The following SORBS2 variants were observed in gnomAD, a reference collection of about 807,000 sequenced individuals.
SORBS2 encodes sorbin and SH3 domain-containing protein 2.
In SORBS2, 46 loss-of-function variants were observed where a neutral mutation model predicts 97.7. That is an observed-to-expected ratio of 0.47 (90% CI 0.37 to 0.60). The LOEUF (loss-of-function observed/expected upper bound fraction) is 0.60, where lower values mean the gene tolerates loss of function less well. SORBS2 is among the 20% of genes least tolerant of loss of function. The pLI is 0.00. For missense variants in SORBS2, 1,316 were observed against 1,282.3 expected (o/e 1.03, Z -0.40); for synonymous variants, 476 against 473.4 (o/e 1.01, Z -0.07).
At chr4:185,654,012 A>C (rs753854851) in intron 1 of SORBS2, among the ~76,000 whole-genome samples, 3 of 152,106 alleles carry the variant, frequency 2.0e-5, no homozygotes, top group Non-Finnish European at 4.4e-5. Context: ...TGGTCACTGC[A>C]TTTTTCCTCT....
At chr4:185,612,599 T>C (rs1342597105) in intron 11 of SORBS2, among the ~76,000 whole-genome samples, 1 of 151,574 alleles carries the variant, frequency 6.6e-6, no homozygotes, top group Non-Finnish European at 1.5e-5. Flanking sequence ...AAGAATTCTC[T>C]TGCCTCAGCC....
chr4:185,614,159 GTTTTTTTTTT>G (rs34929054), intron 11 of SORBS2, among the ~76,000 whole-genome samples: 3 of 91,610 alleles, frequency 3.3e-5, no homozygotes, highest in Non-Finnish European at 6.0e-5. Context: ...GTTTTTTTGT[GTTTTTTTTTT>G]TTTTTTTTTT....
intron 1 of SORBS2, among the ~76,000 whole-genome samples, chr4:185,919,811 C>T (rs1437569180): frequency 6.6e-6 from 1 of 152,224 alleles, no homozygotes; most frequent in African/African-American, 2.4e-5. Context: ...TCTTATTGTC[C>T]TGCTGTCATC....
intron 1 of SORBS2, among the ~76,000 whole-genome samples, chr4:185,815,035 G>T (rs1170640074): frequency 6.6e-6 from 1 of 152,274 alleles, no homozygotes; most frequent in Non-Finnish European, 1.5e-5. Context: ...AGTCAAGTGA[G>T]ATACCACCTA....
chr4:185,917,912 T>C (rs1007001541), intron 1 of SORBS2, among the ~76,000 whole-genome samples: 2 of 152,166 alleles, frequency 1.3e-5, no homozygotes, highest in Non-Finnish European at 2.9e-5. Context: ...TCCACTCAGA[T>C]TGAGAAACCC....
At chr4:185,880,384 T>C (rs2099236251) in intron 1 of SORBS2, among the ~76,000 whole-genome samples, 1 of 152,196 alleles carries the variant, frequency 6.6e-6, no homozygotes, top group Non-Finnish European at 1.5e-5. Flanking sequence ...ATAACTACAT[T>C]GATTCCTTGA....
chr4:185,587,426 C>A, exon 15 of SORBS2: 1 of 567,564 alleles, frequency 1.8e-6, no homozygotes, highest in South Asian at 2.2e-5. Flanking sequence ...CACACTTTCA[C>A]GGAGGGGGAC....
intron 1 of SORBS2, among the ~76,000 whole-genome samples, chr4:185,778,965 A>T (rs979670329): frequency 1.3e-5 from 2 of 152,072 alleles, no homozygotes; most frequent in Non-Finnish European, 2.9e-5. Context: ...TGTCTGAATA[A>T]CCTCATTAGT....
At chr4:185,665,348 C>T (rs1390202156) in intron 4 of SORBS2, among the ~76,000 whole-genome samples, 1 of 152,136 alleles carries the variant, frequency 6.6e-6, no homozygotes, top group African/African-American at 2.4e-5. Context: ...TAATGTGAGT[C>T]TGTGAGAAAA....
rs973370988 is a variant in SORBS2, at chr4:185,705,717, T to A, written c.-197-26895A>T. 1.8e-4 allele frequency among the ~76,000 whole-genome samples: 28 copies of A among 152,200 alleles called. 1 individual carries two copies. Among genetic ancestry groups the A allele is most frequent in the Non-Finnish European group, 2.9e-4 (20 of 68,036 alleles). ...AGTGAATATTTATAGAAAGAAGATG[T>A]CCTCATTTACAGACATGATGGAATG... On this transcript the variant is annotated intron_variant, in intron 2 of 20. Coordinates refer to the SORBS2 transcript ENST00000284776.
chr4:185,718,633 G>A (rs2098485371), intron 2 of SORBS2, among the ~76,000 whole-genome samples: 1 of 152,164 alleles, frequency 6.6e-6, no homozygotes, highest in Non-Finnish European at 1.5e-5. Flanking sequence ...TGTGCACAAG[G>A]ACACCTATGT....
chr4:185,631,695 G>C (rs1297195744), intron 4 of SORBS2, among the ~76,000 whole-genome samples: 2 of 152,196 alleles, frequency 1.3e-5, no homozygotes, highest in African/African-American at 4.8e-5. Context: ...CTGGGAGGCA[G>C]AGGTTGCAGC....
At chr4:185,587,570 C>A (rs981173479) in exon 15 of SORBS2, 2 of 1,510,540 alleles carry the variant, frequency 1.3e-6, no homozygotes, top group South Asian at 1.1e-5. Context: ...GTGTTTCAGG[C>A]GCGTTGACGC....
At chr4:185,624,341 T>G in exon 7 of SORBS2, 1 of 1,614,194 alleles carries the variant, frequency 6.2e-7, no homozygotes, top group Non-Finnish European at 8.5e-7. Context: ...CCGGGCCATT[T>G]GCCAGCCGTT....
rs2096776478 is a variant in SORBS2 at position 185,624,493 on chromosome 4, AC to A, written c.635del (p.Gly212ValfsTer25). The A allele has an allele frequency of 6.3e-7, 1 of 1,599,786 alleles. No homozygotes were observed. Among genetic ancestry groups the A allele is most frequent in the African/African-American group, 1.3e-5 (1 of 74,648 alleles). ...ATGGACATATTTTGCTATCATCCCC[AC>A]CTTTTAATCCAGAGCAGCGTGGTAG... On this transcript the variant is annotated frameshift_variant and splice_region_variant, in exon 7 of 15. Transcript: ENST00000418609. LOFTEE classifies it high-confidence loss of function.
intron 2 of SORBS2, among the ~76,000 whole-genome samples, chr4:185,709,409 A>G (rs937606619): frequency 6.6e-6 from 1 of 151,032 alleles, no homozygotes; most frequent in Non-Finnish European, 1.5e-5. Flanking sequence ...TACAAAGACT[A>G]ATCTTTTTTA....
intron 4 of SORBS2, among the ~76,000 whole-genome samples, chr4:185,671,396 C>T (rs2097710491): frequency 6.6e-6 from 1 of 152,134 alleles, no homozygotes; most frequent in African/African-American, 2.4e-5. Context: ...ATAGAGGTAG[C>T]AGAGGCTAGT....
At chr4:185,941,884 G>C (rs2099272162) in intron 1 of SORBS2, among the ~76,000 whole-genome samples, 1 of 152,146 alleles carries the variant, frequency 6.6e-6, no homozygotes, top group Admixed American at 6.6e-5. Flanking sequence ...GGGAGGCCAA[G>C]GTGGGCAGTT....
intron 4 of SORBS2, 74 bp from the exon 8 acceptor site, chr4:185,662,316 T>C: frequency 6.9e-7 from 1 of 1,438,880 alleles, no homozygotes; most frequent in Non-Finnish European, 9.5e-7. Flanking sequence ...TAGGTGATAA[T>C]AAAAGACTTC....
Sources: allele counts gnomAD v4.1 joint callset (sites outside exome capture counted in the v4.1 genomes callset), GRCh38; gene constraint gnomAD v4.1.1; transcripts MANE v1.5; gene names NCBI Gene and HGNC (gene_info 2026-07-23, HGNC 2026-07-21).